The following ALK variants were observed in gnomAD, a reference collection of about 807,000 sequenced individuals.
ALK encodes the protein ALK tyrosine kinase receptor.
A neutral mutation model predicts 163.1 loss-of-function variants in ALK; 74 were observed. The observed-to-expected ratio is 0.45, with a 90% CI of 0.38 to 0.55. ALK has a LOEUF of 0.55. Ranked by LOEUF, ALK falls within the 20% of genes least tolerant of loss-of-function variation. The pLI is 0.00. For synonymous variants in ALK, 960 were observed against 843.2 expected (o/e 1.14, Z -2.40); for missense variants, 2,063 against 2,105.3 (o/e 0.98, Z 0.39).
intron 4 of ALK, among the ~76,000 whole-genome samples, chr2:29,419,698 G>A (rs547393580): frequency 3.3e-5 from 5 of 151,566 alleles, no homozygotes; most frequent in South Asian, 2.1e-4. Flanking sequence ...GTTTATCATC[G>A]GGAAAGTTAT....
chr2:29,907,867 G>T (rs984294672), intron 1 of ALK, among the ~76,000 whole-genome samples: 1 of 152,026 alleles, frequency 6.6e-6, no homozygotes, highest in African/African-American at 2.4e-5. Flanking sequence ...CCAACCACTT[G>T]CCCCTCAAAC....
intron 8 of ALK, among the ~76,000 whole-genome samples, chr2:29,303,988 T>C (rs927912968): frequency 1.3e-5 from 2 of 152,180 alleles, no homozygotes; most frequent in African/African-American, 4.8e-5. Flanking sequence ...ATTATGCTAT[T>C]GCATAACGTA....
intron 1 of ALK, among the ~76,000 whole-genome samples, chr2:29,872,270 C>T (rs959455888): frequency 6.6e-6 from 1 of 152,210 alleles, no homozygotes; most frequent in Non-Finnish European, 1.5e-5. Flanking sequence ...TGCAGCTGAA[C>T]TGCAGAGAGC....
chr2:29,560,549 TCTC>T (rs1228062840), intron 3 of ALK, among the ~76,000 whole-genome samples: 1 of 152,018 alleles, frequency 6.6e-6, no homozygotes, highest in Non-Finnish European at 1.5e-5. Context: ...TCTTTTCTCT[TCTC>T]CTTCTTTTCT....
intron 4 of ALK, among the ~76,000 whole-genome samples, chr2:29,384,978 G>A (rs1668994476): frequency 1.3e-5 from 2 of 152,098 alleles, no homozygotes; most frequent in Admixed American, 6.6e-5. Context: ...TTGAACCAGG[G>A]AGGTGGAGGT....
chr2:29,882,241 AAT>A (rs1331355624), intron 1 of ALK, among the ~76,000 whole-genome samples: 1 of 152,246 alleles, frequency 6.6e-6, no homozygotes, highest in African/African-American at 2.4e-5. Flanking sequence ...GAAAGTTTAA[AAT>A]CAAGAGAATA....
chr2:29,641,252 G>A (rs919698721), intron 3 of ALK, among the ~76,000 whole-genome samples: 1 of 152,158 alleles, frequency 6.6e-6, no homozygotes, highest in Non-Finnish European at 1.5e-5. Context: ...AAAAAGGATA[G>A]GAAGGTGACA....
rs115278328 is a variant in ALK, at chr2:29,388,952, C to T, written c.1155-5093G>A. 4.5e-3 allele frequency among the ~76,000 whole-genome samples: 680 copies of T among 152,286 alleles called. 7 individuals carry two copies. Among genetic ancestry groups the T allele is most frequent in the African/African-American group, 0.016 (656 of 41,550 alleles). ...TTGACTATGATAGCAGATCACCACT[C>T]CTCTCAGAATCCTCCAAAGGCCTCC... is the stretch of plus-strand genomic sequence containing the variant. On this transcript the variant is annotated intron_variant, in intron 4 of 28. Transcript: ENST00000389048.
At chr2:29,414,005 T>C (rs974426543) in intron 4 of ALK, among the ~76,000 whole-genome samples, 2 of 152,248 alleles carry the variant, frequency 1.3e-5, no homozygotes, top group African/African-American at 4.8e-5. Flanking sequence ...CTGAACATAA[T>C]TGTATGTGCT....
intron 3 of ALK, among the ~76,000 whole-genome samples, chr2:29,669,938 G>A (rs891277096): frequency 6.6e-6 from 1 of 151,744 alleles, no homozygotes; most frequent in Non-Finnish European, 1.5e-5. Flanking sequence ...AATTTTAGTT[G>A]TCTCAATTTA....
chr2:29,601,318 T>C (rs1675373606), intron 3 of ALK, among the ~76,000 whole-genome samples: 1 of 152,238 alleles, frequency 6.6e-6, no homozygotes, highest in Non-Finnish European at 1.5e-5. Context: ...TCCTATTTAA[T>C]GACTTGATTC....
At chr2:29,689,093 ACTTG>A (rs768703859) in intron 3 of ALK, among the ~76,000 whole-genome samples, 1 of 152,184 alleles carries the variant, frequency 6.6e-6, no homozygotes, top group Non-Finnish European at 1.5e-5. Context: ...CACCTAGGGA[ACTTG>A]CTCTCCAGAA....
intron 1 of ALK, chr2:29,890,514 C>G (rs542381443): frequency 6.6e-6 from 1 of 152,252 alleles, no homozygotes; most frequent in Admixed American, 6.5e-5. Flanking sequence ...CAGGCAGAAC[C>G]TCTGTTGAGG....
chr2:29,593,566 G>GTCA (rs1675121440), intron 3 of ALK, among the ~76,000 whole-genome samples: 1 of 152,206 alleles, frequency 6.6e-6, no homozygotes, highest in Non-Finnish European at 1.5e-5. Context: ...GAAAATCACA[G>GTCA]TCACCTTAGA....
At chr2:29,852,748 C>A (rs1231903565) in intron 1 of ALK, among the ~76,000 whole-genome samples, 4 of 151,832 alleles carry the variant, frequency 2.6e-5, no homozygotes, top group African/African-American at 9.7e-5. Flanking sequence ...GGAAGTGAGA[C>A]CTTTGGGAGG....
Position 29,552,629 on chromosome 2 carries a change from C to T in ALK, c.953-20513G>A, listed in dbSNP as rs114193388. On this transcript the variant is annotated intron_variant, in intron 3 of 28. Coordinates refer to ENST00000389048, the MANE Select transcript of ALK (RefSeq NM_004304.5). ...ATGATGTTGAGCATATTTTTATGTG[C>T]TTATTGGTCATTTGCATATCTTCCC... Among the ~76,000 whole-genome samples, 140 of 152,246 alleles carry T rather than the reference C, an allele frequency of 9.2e-4. 1 individual carries two copies. The highest frequency in any genetic ancestry group is 3.3e-3 in the African/African-American group (136 of 41,560).
intron 9 of ALK, among the ~76,000 whole-genome samples, chr2:29,280,951 C>T (rs2148219385): frequency 6.6e-6 from 1 of 152,058 alleles, no homozygotes; most frequent in Admixed American, 6.5e-5. Context: ...CTGGTATGTA[C>T]CAGGTGAACC....
chr2:29,292,058 C>T (rs1666040036), intron 9 of ALK, among the ~76,000 whole-genome samples: 1 of 152,338 alleles, frequency 6.6e-6, no homozygotes. Context: ...AAACACACCA[C>T]TTGTCGTTTA....
At chr2:29,448,154 C>T (rs566735335) in intron 4 of ALK, among the ~76,000 whole-genome samples, 5 of 152,292 alleles carry the variant, frequency 3.3e-5, no homozygotes, top group South Asian at 4.1e-4. Context: ...TATTTCACTG[C>T]TAACGGACAC....
Sources: gnomAD v4.1 joint callset for allele counts (sites outside exome capture counted in the v4.1 genomes callset) on GRCh38, gnomAD v4.1.1 for gene constraint, MANE v1.5 for transcripts, NCBI Gene and HGNC (gene_info 2026-07-23, HGNC 2026-07-21) for gene names.